The following METTL21A variants were observed in gnomAD, a reference collection of about 807,000 sequenced individuals.
METTL21A encodes the protein methyltransferase 21A, HSPA lysine.
METTL21A carries 22 observed loss-of-function variants against 20.9 expected under a neutral mutation model. The ratio of observed to expected loss-of-function variants is 1.05; its 90% CI spans 0.75 to 1.50. The LOEUF (loss-of-function observed/expected upper bound fraction) is 1.50, where lower values mean the gene tolerates loss of function less well. Ranked by LOEUF, METTL21A falls within the 40% of genes most tolerant of loss-of-function variation. METTL21A has a pLI of 0.00. For synonymous variants in METTL21A, 93 were observed against 102.0 expected (o/e 0.91, Z 0.53); for missense variants, 271 against 266.8 (o/e 1.02, Z -0.11).
intron 3 of METTL21A, chr2:207,596,995 A>G (rs2106636802): frequency 6.2e-7 from 1 of 1,613,106 alleles, no homozygotes; most frequent in Non-Finnish European, 8.5e-7. Flanking sequence ...TTGAAAATCA[A>G]AACAAGACAT....
chr2:207,616,688 T>C (rs967507325), intron 3 of METTL21A, among the ~76,000 whole-genome samples: 1 of 151,994 alleles, frequency 6.6e-6, no homozygotes, highest in African/African-American at 2.4e-5. Flanking sequence ...CTACTAAAAT[T>C]ACAAAAAATT....
exon 3 of METTL21A, chr2:207,621,855 C>T (rs1258260801): frequency 5.0e-6 from 8 of 1,614,106 alleles, no homozygotes; most frequent in Non-Finnish European, 6.8e-6. Flanking sequence ...CACCCAGCTC[C>T]ACGGCAGAGC....
At chr2:207,624,355 C>G (rs1348983203) in exon 2 of METTL21A, 1 of 1,613,698 alleles carries the variant, frequency 6.2e-7, no homozygotes, top group Admixed American at 1.7e-5. Flanking sequence ...CCGTGGTCTC[C>G]TCATAGGGCA....
intron 3 of METTL21A, chr2:207,599,075 T>C (rs2086639298): frequency 5.3e-6 from 1 of 189,924 alleles, no homozygotes; most frequent in African/African-American, 2.3e-5. Context: ...TTGTCTTTTT[T>C]CAAGGATGAA....
chr2:207,616,539 G>A (rs921373287), intron 3 of METTL21A, among the ~76,000 whole-genome samples: 2 of 152,098 alleles, frequency 1.3e-5, no homozygotes, highest in African/African-American at 2.4e-5. Flanking sequence ...GCAGTAAGAC[G>A]TTTTTTAAAA....
chr2:207,615,291 G>A (rs540323257), intron 3 of METTL21A, among the ~76,000 whole-genome samples: 2 of 152,168 alleles, frequency 1.3e-5, no homozygotes, highest in African/African-American at 4.8e-5. Context: ...TGACAACATA[G>A]AGAGATCCCA....
downstream of METTL21A, chr2:207,581,313 T>C (rs1183688830): frequency 2.0e-5 from 4 of 197,542 alleles, no homozygotes; most frequent in South Asian, 1.9e-4. Context: ...GTATTTGATA[T>C]GAATTAAAAT....
exon 4 of METTL21A, chr2:207,613,243 C>A: frequency 6.2e-7 from 1 of 1,612,932 alleles, no homozygotes; most frequent in Non-Finnish European, 8.5e-7. Context: ...TGAAGAAGAT[C>A]TGTGAATGTT....
chr2:207,624,276 G>A, exon 2 of METTL21A: 3 of 1,613,414 alleles, frequency 1.9e-6, no homozygotes, highest in Non-Finnish European at 2.5e-6. Context: ...CAGTCCTGCC[G>A]GATCTGGATC....
At chr2:207,619,810 C>A (rs919236137) in intron 3 of METTL21A, among the ~76,000 whole-genome samples, 4 of 152,104 alleles carry the variant, frequency 2.6e-5, no homozygotes, top group Admixed American at 2.6e-4. Flanking sequence ...ACTCGTGGAG[C>A]ACTTCCTTTG....
chr2:207,583,591 G>T (rs187008540), intron 3 of METTL21A, among the ~76,000 whole-genome samples: 1 of 152,232 alleles, frequency 6.6e-6, no homozygotes, highest in African/African-American at 2.4e-5. Flanking sequence ...CCCTTTCAAT[G>T]AGGTTATATC....
intron 3 of METTL21A, among the ~76,000 whole-genome samples, chr2:207,585,833 C>G (rs1335720301): frequency 6.6e-6 from 1 of 152,026 alleles, no homozygotes; most frequent in Non-Finnish European, 1.5e-5. Flanking sequence ...ATAACCCAGT[C>G]AAACACACAC....
rs971987530 is a variant in METTL21A at position 207,597,255 on chromosome 2, C to T, written c.260-15095G>A. On this transcript the variant is annotated intron_variant, in intron 3 of 3. Transcript: ENST00000425132. Reference sequence around the variant, plus strand: ...TGTTCCAACACCTGCCTCCACTTCTCCCCTCAAGAAATTTTCAACGCCAGG... The same window carrying T: ...TGTTCCAACACCTGCCTCCACTTCTTCCCTCAAGAAATTTTCAACGCCAGG... 1.4e-5 allele frequency: 7 copies of T among 498,012 alleles called. No individual in the cohort carries two copies. The Middle Eastern group carries it at 1.6e-3, about 115-fold the overall frequency. The allele number at this position is 498,012 out of a possible 1,614,324, so 30.8% of individuals were successfully genotyped here.
intron 3 of METTL21A, among the ~76,000 whole-genome samples, chr2:207,592,006 T>C (rs2085133571): frequency 6.6e-6 from 1 of 152,240 alleles, no homozygotes; most frequent in Admixed American, 6.5e-5. Flanking sequence ...AAAAACTCTT[T>C]TTTACATTTC....
At chr2:207,594,586 T>A (rs1385733101) in intron 3 of METTL21A, among the ~76,000 whole-genome samples, 1 of 152,224 alleles carries the variant, frequency 6.6e-6, no homozygotes, top group African/African-American at 2.4e-5. Flanking sequence ...TTACATTGTA[T>A]GTATATACCA....
chr2:207,589,500 C>T (rs928533189), intron 3 of METTL21A, among the ~76,000 whole-genome samples: 21 of 152,280 alleles, frequency 1.4e-4, no homozygotes, highest in African/African-American at 4.6e-4. Context: ...ACCTAATTCC[C>T]CTTTGCCATA....
chr2:207,601,354 G>A (rs973521865), intron 3 of METTL21A: 1 of 185,572 alleles, frequency 5.4e-6, no homozygotes, highest in Non-Finnish European at 1.1e-5. Context: ...TTCAAATCAT[G>A]TGACTTTTTA....
At chr2:207,597,216 C>A in intron 3 of METTL21A, 1 of 767,934 alleles carries the variant, frequency 1.3e-6, no homozygotes, top group Non-Finnish European at 1.9e-6. Context: ...TGTGCTTTTG[C>A]ATTAAACTGT....
intron 2 of METTL21A, among the ~76,000 whole-genome samples, chr2:207,622,962 C>A (rs1339463302): frequency 6.6e-6 from 1 of 150,798 alleles, no homozygotes; most frequent in East Asian, 1.9e-4. Context: ...GGATGTAGTG[C>A]AGTGGTGCAA....
Sources: gnomAD v4.1 joint callset for allele counts (sites outside exome capture counted in the v4.1 genomes callset) on GRCh38, gnomAD v4.1.1 for gene constraint, MANE v1.5 for transcripts, NCBI Gene and HGNC (gene_info 2026-07-23, HGNC 2026-07-21) for gene names.